REV1: variants seen among roughly 807,000 people sequenced by gnomAD.
The protein encoded by REV1 is REV1 DNA directed polymerase.
REV1 carries 42 observed loss-of-function variants against 137.4 expected under a neutral mutation model. The ratio of observed to expected loss-of-function variants is 0.31; its 90% CI spans 0.24 to 0.40. The LOEUF (loss-of-function observed/expected upper bound fraction) is 0.40. Ranked by LOEUF, REV1 falls within the 10% of genes least tolerant of loss-of-function variation. REV1 has a pLI of 1.00. For missense variants in REV1, 1,282 were observed against 1,490.1 expected, an observed-to-expected ratio of 0.86 and a Z score of 2.30; for synonymous variants, 524 against 519.2, an observed-to-expected ratio of 1.01 and a Z score of -0.12.
chr2:99,470,188 T>G (rs1194326602), intron 1 of REV1, among the ~76,000 whole-genome samples: 1 of 152,172 alleles, frequency 6.6e-6, no homozygotes, highest in African/African-American at 2.4e-5. Context: ...TCTAAACAGT[T>G]CATCACACAC....
At chr2:99,439,426 G>A in intron 5 of REV1, 116 bp from the exon 6 acceptor site, 70 of 586,832 alleles carry the variant, frequency 1.2e-4, no homozygotes, top group South Asian at 3.3e-4. Flanking sequence ...TTTAAAAACA[G>A]AAAATTCTTA....
At chr2:99,479,591 A>G (rs1405751677) in intron 1 of REV1, among the ~76,000 whole-genome samples, 1 of 151,868 alleles carries the variant, frequency 6.6e-6, no homozygotes, top group Non-Finnish European at 1.5e-5. Context: ...CTTGCGTGAG[A>G]CCAGCCTGAG....
intron 11 of REV1, among the ~76,000 whole-genome samples, chr2:99,421,034 G>GGATGGA (rs751994426): frequency 6.6e-6 from 1 of 152,176 alleles, no homozygotes; most frequent in Non-Finnish European, 1.5e-5. Context: ...AAGACAGCAT[G>GGATGGA]GATGGAGATG....
chr2:99,409,853 A>G (rs865840580), intron 14 of REV1, among the ~76,000 whole-genome samples: 1 of 78,474 alleles, frequency 1.3e-5, no homozygotes, highest in Non-Finnish European at 2.5e-5. Flanking sequence ...AAAACAAACA[A>G]CCCCCCCCCC....
At chr2:99,475,106 AT>A (rs1326260821) in intron 1 of REV1, among the ~76,000 whole-genome samples, 3 of 152,198 alleles carry the variant, frequency 2.0e-5, no homozygotes, top group African/African-American at 7.2e-5. Flanking sequence ...TAGTAAGGCC[AT>A]TTTTATTTCC....
At chr2:99,439,387 TTA>T (rs1339246578) in intron 5 of REV1, 77 bp from the exon 6 acceptor site, 1 of 995,892 alleles carries the variant, frequency 1.0e-6, no homozygotes, top group Non-Finnish European at 1.5e-6. Flanking sequence ...CATCATTTTC[TTA>T]GTGGTACACA....
At chr2:99,416,938 T>G (rs72815086) in intron 12 of REV1, among the ~76,000 whole-genome samples, 26,030 of 122,630 alleles carry the variant, frequency 0.21, 3,076 homozygotes, top group African/African-American at 0.37. Flanking sequence ...AAAAAAGAAA[T>G]AAAGTCTTTC....
At chr2:99,465,122 T>A in intron 1 of REV1, 137 bp from the exon 2 acceptor site, 1 of 741,898 alleles carries the variant, frequency 1.3e-6, no homozygotes, top group Non-Finnish European at 2.2e-6. Context: ...TTAAGTAAAC[T>A]TTTTCTGAAG....
chr2:99,434,356 T>G lies in REV1; in HGVS notation c.1414A>C (p.Asn472His). Residue 472 changes from asparagine (N) to histidine (H), a missense_variant, in exon 8 of 23, where the codon AAT (asparagine) becomes CAT (histidine). Coordinates refer to ENST00000258428, the MANE Select transcript of REV1 (RefSeq NM_016316.4). ...NPQLEWQYYQ[N>H]KILKGKAADI... ...CCTGCTTTGCCTTTCAGGATTTTAT[T>G]CTGGTAATACTGCCACTCCAGCTGG... is the stretch of plus-strand genomic sequence containing the variant. 6.2e-7 allele frequency: 1 copy of G among 1,607,892 alleles called. No individual in the cohort carries two copies.
In REV1 at chr2:99,412,925, A is replaced by G. The variant is rs1272390603; in HGVS notation, c.1978T>C (p.Leu660=). The G allele has an allele frequency of 2.5e-6, 4 of 1,613,778 alleles. No homozygotes were observed. The African/African-American group carries it at 5.3e-5, about 22-fold the overall frequency. The change falls in exon 13 of 23, where the codon TTG becomes CTG. Residue 660 remains leucine, a synonymous_variant. Coordinates refer to ENST00000258428, the MANE Select transcript of REV1 (RefSeq NM_016316.4). The stretch of plus-strand genomic sequence containing the variant: ...CAAGTTTTAATTCCCAAAGATGCCA[A>G]CTTAGATTCCATTGAATGTCCAACT... The part of the protein sequence containing the change: ...PGVGHSMESK[L]ASLGIKTCGD...
At chr2:99,407,978 TGA>T (rs1371430090) in intron 15 of REV1, 49 bp downstream of exon 15, 1 of 1,135,392 alleles carries the variant, frequency 8.8e-7, no homozygotes, top group South Asian at 1.7e-5. Flanking sequence ...GCCTCAAAAA[TGA>T]GAGATACATT....
At chr2:99,457,480 G>A (rs755488146) in intron 3 of REV1, among the ~76,000 whole-genome samples, 51 of 152,118 alleles carry the variant, frequency 3.4e-4, no homozygotes, top group Non-Finnish European at 6.3e-4. Flanking sequence ...TCAGGAGTTC[G>A]AGACCAGCCT....
intron 12 of REV1, among the ~76,000 whole-genome samples, chr2:99,413,162 G>C (rs1677414640): frequency 6.6e-6 from 1 of 152,068 alleles, no homozygotes; most frequent in Admixed American, 6.6e-5. Flanking sequence ...TCTCAATTTG[G>C]ACTCCACATA....
At chr2:99,449,608 A>G in intron 3 of REV1, 104 bp from the exon 4 acceptor site, 1 of 513,022 alleles carries the variant, frequency 1.9e-6, no homozygotes, top group Non-Finnish European at 3.1e-6. Flanking sequence ...TCATTGGTTC[A>G]CCTTCTCCTT....
intron 3 of REV1, among the ~76,000 whole-genome samples, chr2:99,452,130 A>G (rs1316605289): frequency 6.6e-6 from 1 of 151,974 alleles, no homozygotes; most frequent in Non-Finnish European, 1.5e-5. Context: ...GGTTAATTAG[A>G]AAAAAAATTG....
intron 4 of REV1, among the ~76,000 whole-genome samples, chr2:99,445,663 A>G (rs1196842015): frequency 6.6e-6 from 1 of 152,192 alleles, no homozygotes; most frequent in Non-Finnish European, 1.5e-5. Context: ...TGTGACAAAA[A>G]TTTTTTAAAC....
intron 3 of REV1, among the ~76,000 whole-genome samples, chr2:99,455,883 C>T (rs1279015765): frequency 6.6e-6 from 1 of 152,052 alleles, no homozygotes; most frequent in Admixed American, 6.5e-5. Context: ...AGTACTTGTC[C>T]GGGCCCCCCT....
At chr2:99,418,575 C>G (rs1377143001) in intron 12 of REV1, among the ~76,000 whole-genome samples, 2 of 152,150 alleles carry the variant, frequency 1.3e-5, no homozygotes, top group Admixed American at 6.5e-5. Context: ...TTCTTAGAAT[C>G]TTGCTACTTG....
At chr2:99,422,029 A>T (rs765782866) in intron 10 of REV1, among the ~76,000 whole-genome samples, 3 of 152,254 alleles carry the variant, frequency 2.0e-5, no homozygotes, top group Non-Finnish European at 4.4e-5. Context: ...TTGAACTGTC[A>T]AAACATTTAA....
Sources: allele counts gnomAD v4.1 joint callset (sites outside exome capture counted in the v4.1 genomes callset), GRCh38; gene constraint gnomAD v4.1.1; transcripts MANE v1.5; gene names NCBI Gene and HGNC (gene_info 2026-07-23, HGNC 2026-07-21).